Variants in RPH3AL observed in about 807,000 individuals in gnomAD.
RPH3AL encodes the protein rab effector Noc2.
In RPH3AL, 38 loss-of-function variants were observed where a neutral mutation model predicts 43.1. That is an observed-to-expected ratio of 0.88 (90% CI 0.68 to 1.15). The LOEUF is 1.15. Among genes scored for constraint, RPH3AL ranks in the 50% most tolerant of loss-of-function variants. The probability of loss-of-function intolerance (pLI) is 0.00; values close to 1 mark genes in which losing one functional copy is unlikely to be tolerated. For synonymous variants in RPH3AL, 189 were observed against 176.3 expected (o/e 1.07, Z -0.57); for missense variants, 462 against 423.2 (o/e 1.09, Z -0.81).
At chr17:321,448 C>A in intron 3 of RPH3AL, 33 bp from the exon 4 acceptor site, 1 of 1,535,594 alleles carries the variant, frequency 6.5e-7, no homozygotes. Context: ...GGCGTGGAGG[C>A]CTCCCCGGTG....
rs1388637727 is a variant in RPH3AL at position 264,266 on chromosome 17, C to T, written c.439-16981G>A. On this transcript the variant is annotated intron_variant, in intron 6 of 9. Transcript: ENST00000331302. This position sits in a 1 kb window ranked among gnomAD's most constrained non-coding sequence, Gnocchi z 4.8. ...AAGTTCTGGCTGACAGCAGGATTAC[C>T]CTTCGGAGCCGCGAGCGCTGGATGG... is the stretch of plus-strand genomic sequence containing the variant. 6.6e-6 allele frequency among the ~76,000 whole-genome samples: 1 copy of T among 150,992 alleles called. No individual in the cohort carries two copies. The highest frequency in any genetic ancestry group is 1.9e-4 in the East Asian group (1 of 5,172).
intron 5 of RPH3AL, among the ~76,000 whole-genome samples, chr17:305,378 G>A (rs922094588): frequency 2.0e-5 from 3 of 152,166 alleles, no homozygotes; most frequent in Admixed American, 2.0e-4. Flanking sequence ...GGGTGGGGTG[G>A]TGCCTGCCTG....
intron 6 of RPH3AL, among the ~76,000 whole-genome samples, chr17:259,513 A>G (rs1255208919): frequency 5.3e-5 from 8 of 151,778 alleles, no homozygotes; most frequent in African/African-American, 1.9e-4. Context: ...CTCCCCGCCC[A>G]GGAATAGTGG....
At chr17:321,561 TGGCCCAGGTGGCAACA>T (rs1044085066) in intron 3 of RPH3AL, 146 bp from the exon 4 acceptor site, 29 of 699,786 alleles carry the variant, frequency 4.1e-5, no homozygotes, top group Non-Finnish European at 5.5e-5. Flanking sequence ...GCAGCAGAGA[TGGCCCAGGTGGCAACA>T]GAGATGGCCC....
chr17:315,693 C>T (rs929030437), intron 5 of RPH3AL, among the ~76,000 whole-genome samples: 140 of 137,968 alleles, frequency 1.0e-3, no homozygotes, highest in Middle Eastern at 7.5e-3. Context: ...GACCCCACCT[C>T]CATTGACCTG....
chr17:335,158 A>G (rs946502854), intron 1 of RPH3AL, among the ~76,000 whole-genome samples: 1 of 152,224 alleles, frequency 6.6e-6, no homozygotes, highest in Non-Finnish European at 1.5e-5. Flanking sequence ...CCAAGAGCAC[A>G]GCCACACTGT....
rs931954484 is a variant in RPH3AL, at chr17:227,325, G to A, written c.614-7589C>T. Reference sequence around the variant, plus strand: ...ATGGAAACGCAGGGTTTTGGTACACGGAGCGGGGGGAAGAGTCTTTCCTTC... The same window carrying A: ...ATGGAAACGCAGGGTTTTGGTACACAGAGCGGGGGGAAGAGTCTTTCCTTC... On this transcript the variant is annotated intron_variant, in intron 7 of 9. Coordinates refer to ENST00000331302, the MANE Select transcript of RPH3AL (RefSeq NM_006987.4). Among the ~76,000 whole-genome samples, 15 of 148,354 alleles carry A rather than the reference G, an allele frequency of 1.0e-4. 1 individual carries two copies. Among genetic ancestry groups the A allele is most frequent in the Admixed American group, 6.0e-4 (9 of 14,912 alleles).
At chr17:351,972 G>A (rs527512000) in intron 1 of RPH3AL, among the ~76,000 whole-genome samples, 5 of 152,184 alleles carry the variant, frequency 3.3e-5, no homozygotes, top group Admixed American at 2.0e-4. Context: ...CGTACAGGCC[G>A]TGCTTACATC....
At chr17:253,152 T>A (rs1395296146) in intron 6 of RPH3AL, among the ~76,000 whole-genome samples, 1 of 152,154 alleles carries the variant, frequency 6.6e-6, no homozygotes, top group Non-Finnish European at 1.5e-5. Context: ...CATCAGGGCA[T>A]GAGGCCACCA....
chr17:294,979 A>G (rs1419201298), intron 5 of RPH3AL, among the ~76,000 whole-genome samples: 4 of 94,822 alleles, frequency 4.2e-5, no homozygotes, highest in South Asian at 4.8e-4. Context: ...GGAGGGACAC[A>G]GATGCTGTAG....
chr17:299,498 C>T (rs903853323), intron 5 of RPH3AL, among the ~76,000 whole-genome samples: 1 of 152,204 alleles, frequency 6.6e-6, no homozygotes, highest in South Asian at 2.1e-4. Context: ...TCCCTCTTTT[C>T]CACTCAGCTT....
At chr17:297,505 A>G (rs2043212835) in intron 5 of RPH3AL, among the ~76,000 whole-genome samples, 1 of 152,208 alleles carries the variant, frequency 6.6e-6, no homozygotes, top group African/African-American at 2.4e-5. Flanking sequence ...CCGGGTAGAC[A>G]GCGTCTGAAC....
At chr17:272,786 A>ACACACACG (rs1301568348) in intron 6 of RPH3AL, among the ~76,000 whole-genome samples, 6 of 151,216 alleles carry the variant, frequency 4.0e-5, no homozygotes, top group African/African-American at 1.5e-4. Flanking sequence ...ACACACACAC[A>ACACACACG]CACCAAAAAA....
chr17:280,978 C>T (rs978992649), intron 6 of RPH3AL, among the ~76,000 whole-genome samples: 1 of 152,162 alleles, frequency 6.6e-6, no homozygotes, highest in East Asian at 1.9e-4. Context: ...AGCTGCACGC[C>T]TCCTCGCCCC....
chr17:275,306 T>C (rs1021868282), intron 6 of RPH3AL, among the ~76,000 whole-genome samples: 2 of 151,676 alleles, frequency 1.3e-5, no homozygotes, highest in African/African-American at 4.8e-5. Flanking sequence ...AATAGGTACG[T>C]ATTTTTTACA....
intron 1 of RPH3AL, among the ~76,000 whole-genome samples, chr17:352,147 G>A (rs768534245): frequency 6.6e-6 from 1 of 152,192 alleles, no homozygotes; most frequent in Non-Finnish European, 1.5e-5. Context: ...CTGGGGACTT[G>A]TCACCAAATG....
In RPH3AL at chr17:290,403, G is replaced by A. The variant is rs1430038553; in HGVS notation, c.352-8549C>T. Among the ~76,000 whole-genome samples the A allele has an allele frequency of 2.0e-5, 3 of 152,110 alleles. No homozygotes were observed. Among genetic ancestry groups the A allele is most frequent in the Non-Finnish European group, 4.4e-5 (3 of 68,022 alleles). ...AATCCTTCACTGAGGGTGGGAAGCG[G>A]GGATGTTTACCAGACCATTCCCATG... On this transcript the variant is annotated intron_variant, in intron 5 of 9. Coordinates refer to ENST00000331302, the MANE Select transcript of RPH3AL (RefSeq NM_006987.4). The surrounding 1 kb of genome is among the most constrained non-coding windows in gnomAD (Gnocchi z 4.2).
intron 6 of RPH3AL, among the ~76,000 whole-genome samples, chr17:262,955 G>A (rs1422369642): frequency 6.6e-6 from 1 of 152,306 alleles, no homozygotes; most frequent in Middle Eastern, 3.4e-3. Flanking sequence ...TCCCCACGTG[G>A]CCCTGCCCGA....
chr17:242,981 T>C (rs1308611852), intron 7 of RPH3AL, among the ~76,000 whole-genome samples: 3 of 130,670 alleles, frequency 2.3e-5, no homozygotes, highest in South Asian at 4.9e-4. Context: ...CCTTCCTCTA[T>C]TGAATACCTT....
Sources: gnomAD v4.1 joint callset for allele counts (sites outside exome capture counted in the v4.1 genomes callset) on GRCh38, gnomAD v4.1.1 for gene constraint, Gnocchi (gnomAD v3.1) non-coding constraint, MANE v1.5 for transcripts, NCBI Gene and HGNC (gene_info 2026-07-23, HGNC 2026-07-21) for gene names.